MAP3K5: variants seen among roughly 807,000 people sequenced by gnomAD.
The protein encoded by MAP3K5 is ASK-1.
In MAP3K5, 56 loss-of-function variants were observed where a neutral mutation model predicts 158.7. The observed-to-expected ratio is 0.35, with a 90% confidence interval of 0.28 to 0.44. MAP3K5 has a LOEUF of 0.44. Ranked by LOEUF, MAP3K5 falls within the 20% of genes least tolerant of loss-of-function variation. The pLI, the probability that MAP3K5 is intolerant of heterozygous loss-of-function variation, is 1.00. For synonymous variants in MAP3K5, 579 were observed against 601.7 expected, an observed-to-expected ratio of 0.96 and a Z score of 0.55; for missense variants, 1,294 against 1,674.8, an observed-to-expected ratio of 0.77 and a Z score of 3.97.
upstream of MAP3K5, among the ~76,000 whole-genome samples, chr6:136,792,881 C>T (rs1347874542): frequency 3.3e-5 from 5 of 152,206 alleles, no homozygotes; most frequent in African/African-American, 4.8e-5. This position sits in a 1 kb window ranked among gnomAD's most constrained non-coding sequence, Gnocchi z 5.7. Flanking sequence ...CGTAGCGGCA[C>T]CGAGGGTCAG....
intron 1 of MAP3K5, 49 bp downstream of exon 1, chr6:136,791,661 T>A (rs368757106): frequency 6.3e-6 from 10 of 1,589,490 alleles, no homozygotes; most frequent in Non-Finnish European, 8.6e-6. Flanking sequence ...ACCGCCAGAT[T>A]AAACGCGGGT....
intron 1 of MAP3K5, among the ~76,000 whole-genome samples, chr6:136,768,047 A>G (rs1446626874): frequency 6.6e-6 from 1 of 152,240 alleles, no homozygotes; most frequent in Non-Finnish European, 1.5e-5. Context: ...ATGATAGATA[A>G]AAATTAACTC....
intron 25 of MAP3K5, among the ~76,000 whole-genome samples, chr6:136,577,215 T>C (rs1583209666): frequency 6.6e-6 from 1 of 152,250 alleles, no homozygotes; most frequent in African/African-American, 2.4e-5. Context: ...CTGTTTTTCA[T>C]GTAATTTCTT....
rs1776223029 is a variant in MAP3K5 at position 136,609,104 on chromosome 6, A to G, written c.2521+2178T>C. 6.6e-6 allele frequency among the ~76,000 whole-genome samples: 1 copy of G among 152,218 alleles called. No homozygotes were observed. ...TTCCTTTGGAGATTTTACAAAAAAG[A>G]TGTTCCCCAGATTAGTAGCAGAAGA... On this transcript the variant is annotated intron_variant, in intron 18 of 29. Transcript: ENST00000359015. This position sits in a 1 kb window ranked among gnomAD's most constrained non-coding sequence, Gnocchi z 4.4.
At chr6:136,627,139 T>C (rs78956453) in intron 14 of MAP3K5, among the ~76,000 whole-genome samples, 3,947 of 152,296 alleles carry the variant, frequency 0.026, 164 homozygotes, top group East Asian at 0.15. Flanking sequence ...TTTTCCTTCT[T>C]TTACTATGTA....
chr6:136,747,979 T>C (rs1783035324), intron 1 of MAP3K5, among the ~76,000 whole-genome samples: 1 of 152,202 alleles, frequency 6.6e-6, no homozygotes, highest in South Asian at 2.1e-4. Context: ...ATATGGTGGT[T>C]CTTTGGAGGC....
intron 28 of MAP3K5, among the ~76,000 whole-genome samples, chr6:136,559,429 T>G (rs763642594): frequency 3.3e-5 from 5 of 152,114 alleles, no homozygotes; most frequent in Non-Finnish European, 7.4e-5. Flanking sequence ...GCAAAAAGAT[T>G]ACAAGTGACA....
intron 21 of MAP3K5, among the ~76,000 whole-genome samples, chr6:136,593,249 G>C (rs1775475115): frequency 6.6e-6 from 1 of 152,236 alleles, no homozygotes; most frequent in Non-Finnish European, 1.5e-5. Context: ...CAGATACTAT[G>C]ATTCTCTAGT....
chr6:136,614,042 C>T (rs764689688), intron 16 of MAP3K5, 117 bp downstream of exon 16: 3 of 1,101,862 alleles, frequency 2.7e-6, no homozygotes, highest in Non-Finnish European at 3.8e-6. Flanking sequence ...GTCACATGTC[C>T]AATTTTTCTT....
At chr6:136,691,555 G>A (rs957936110) in intron 7 of MAP3K5, among the ~76,000 whole-genome samples, 1 of 151,498 alleles carries the variant, frequency 6.6e-6, no homozygotes, top group Non-Finnish European at 1.5e-5. Flanking sequence ...AGGTTGCAGT[G>A]AGGTGAGATT....
At chr6:136,584,038 T>C (rs1775006661) in intron 23 of MAP3K5, among the ~76,000 whole-genome samples, 1 of 152,110 alleles carries the variant, frequency 6.6e-6, no homozygotes, top group African/African-American at 2.4e-5. Flanking sequence ...ATGGCACCTC[T>C]TCAATCCTCC....
At chr6:136,763,504 C>A (rs943210353) in intron 1 of MAP3K5, among the ~76,000 whole-genome samples, 1 of 152,032 alleles carries the variant, frequency 6.6e-6, no homozygotes, top group South Asian at 2.1e-4. Flanking sequence ...TTCTACCCAC[C>A]CTATCTATAG....
At chr6:136,790,847 G>C (rs1417693158) in intron 1 of MAP3K5, among the ~76,000 whole-genome samples, 2 of 152,178 alleles carry the variant, frequency 1.3e-5, no homozygotes, top group Non-Finnish European at 2.9e-5. Flanking sequence ...CCTAACATTT[G>C]CTAACAGCTA....
Position 136,580,290 on chromosome 6 carries a change from A to G in MAP3K5, c.3517+11T>C. The G allele has an allele frequency of 1.3e-6, 2 of 1,566,398 alleles. No homozygotes were observed. The highest frequency in any genetic ancestry group is 1.8e-6 in the Non-Finnish European group (2 of 1,136,724). The stretch of plus-strand genomic sequence containing the variant: ...CACTAAATATGTGCAGAGTAATTAA[A>G]TATCTCTGACCTGGAACCAGGATGG... On this transcript the variant is annotated intron_variant, in intron 25 of 29. Transcript: ENST00000359015.
At chr6:136,567,398 C>A (rs554401877) in intron 26 of MAP3K5, among the ~76,000 whole-genome samples, 2 of 152,240 alleles carry the variant, frequency 1.3e-5, no homozygotes, top group South Asian at 4.1e-4. Context: ...AATCTTAGGG[C>A]ACCTGGAGAT....
intron 14 of MAP3K5, among the ~76,000 whole-genome samples, chr6:136,630,708 C>A (rs1333627896): frequency 2.6e-5 from 4 of 152,196 alleles, no homozygotes; most frequent in Admixed American, 6.5e-5. Context: ...TCATTAGTCT[C>A]CCACCATACA....
rs962181318 is a variant in MAP3K5, at chr6:136,637,706, A to T, written c.1935-300T>A. Among the ~76,000 whole-genome samples, 79 of 151,576 alleles carry T rather than the reference A, an allele frequency of 5.2e-4. 1 individual carries two copies. Among genetic ancestry groups the T allele is most frequent in the African/African-American group, 1.7e-3 (72 of 41,208 alleles). ...GACCATTTCAGAGACAAGCAAAGTGATTACAGTGAGAAACAGATTGGCATC... is the reference window on the plus strand; with the variant it reads ...GACCATTTCAGAGACAAGCAAAGTGTTTACAGTGAGAAACAGATTGGCATC... On this transcript the variant is annotated intron_variant, in intron 13 of 29. Transcript: ENST00000359015.
At chr6:136,765,293 G>A (rs1047315633) in intron 1 of MAP3K5, among the ~76,000 whole-genome samples, 1 of 151,974 alleles carries the variant, frequency 6.6e-6, no homozygotes, top group East Asian at 1.9e-4. Context: ...TACTTATAAA[G>A]CAGAAACTGT....
chr6:136,651,168 C>A (rs1018929227), intron 10 of MAP3K5, 77 bp from the exon 11 acceptor site: 5 of 698,520 alleles, frequency 7.2e-6, no homozygotes, highest in Non-Finnish European at 1.3e-5. Context: ...AACACCCCAG[C>A]ACCAACGTAG....
Sources: allele counts gnomAD v4.1 joint callset (sites outside exome capture counted in the v4.1 genomes callset), GRCh38; gene constraint gnomAD v4.1.1; non-coding constraint Gnocchi (gnomAD v3.1); transcripts MANE v1.5; gene names NCBI Gene and HGNC (gene_info 2026-07-23, HGNC 2026-07-21).